Variants in NAV2 observed in about 807,000 individuals in gnomAD.
NAV2 encodes the protein helicase, APC down-regulated 1.
Under a neutral mutation model 223.2 loss-of-function variants are expected in NAV2, and 54 were observed. The ratio of observed to expected loss-of-function variants is 0.24; its 90% CI spans 0.19 to 0.30. The LOEUF (loss-of-function observed/expected upper bound fraction) is 0.30, where lower values mean the gene tolerates loss of function less well. Among genes scored for constraint, NAV2 ranks in the 10% least tolerant of loss-of-function variants. NAV2 has a pLI of 1.00. For synonymous variants in NAV2, 1,279 were observed against 1,239.3 expected (o/e 1.03, Z -0.67); for missense variants, 2,806 against 3,147.5 (o/e 0.89, Z 2.60).
chr11:20,045,823 T>C (rs994009498), intron 14 of NAV2, among the ~76,000 whole-genome samples, 153 bp downstream of exon 14: 1 of 152,262 alleles, frequency 6.6e-6, no homozygotes, highest in African/African-American at 2.4e-5. Flanking sequence ...GTTTTGCAGT[T>C]GACTATTTTC....
intron 11 of NAV2, among the ~76,000 whole-genome samples, chr11:20,012,747 T>A (rs2053673854): frequency 6.6e-6 from 1 of 150,982 alleles, no homozygotes. Context: ...CTTTTAATAC[T>A]CAAACCAGTG....
intron 1 of NAV2, among the ~76,000 whole-genome samples, chr11:19,740,327 G>A (rs77702734): frequency 6.6e-6 from 1 of 152,164 alleles, no homozygotes; most frequent in Non-Finnish European, 1.5e-5. Flanking sequence ...TAAGGGCAGT[G>A]CAAGATGTGC....
At chr11:19,715,227 C>G (rs2050202817) in intron 1 of NAV2, among the ~76,000 whole-genome samples, 1 of 152,192 alleles carries the variant, frequency 6.6e-6, no homozygotes, top group South Asian at 2.1e-4. Context: ...AAGCATGCCC[C>G]TTGCTGCTGC....
At chr11:19,463,285 T>C (rs1346431229) in intron 1 of NAV2, among the ~76,000 whole-genome samples, 3 of 152,260 alleles carry the variant, frequency 2.0e-5, no homozygotes, top group East Asian at 3.8e-4. Context: ...ACCTACTATG[T>C]TTCAGGCATT....
intron 1 of NAV2, among the ~76,000 whole-genome samples, chr11:19,397,842 G>A (rs1342257842): frequency 6.6e-6 from 1 of 152,086 alleles, no homozygotes; most frequent in African/African-American, 2.4e-5. Context: ...TATATGCTAA[G>A]CATAAGCCCA....
chr11:19,946,386 C>A lies in NAV2; in HGVS notation c.2147-15C>A, dbSNP rs772742364. On this transcript the variant is annotated splice_polypyrimidine_tract_variant and intron_variant, in intron 8 of 37. Transcript: ENST00000349880. Reference sequence around the variant, plus strand: ...GGTCAGAGAATTAAACTAGTCTTAACCCTCATCTTTCTAGGGGAAGATCCT... The same window carrying A: ...GGTCAGAGAATTAAACTAGTCTTAAACCTCATCTTTCTAGGGGAAGATCCT... 2 of 1,607,394 alleles carry A rather than the reference C, an allele frequency of 1.2e-6. No homozygotes were observed. Among genetic ancestry groups the A allele is most frequent in the Admixed American group, 3.4e-5 (2 of 59,010 alleles).
intron 1 of NAV2, among the ~76,000 whole-genome samples, chr11:19,550,811 A>G (rs2044665924): frequency 6.6e-6 from 1 of 152,156 alleles, no homozygotes; most frequent in Non-Finnish European, 1.5e-5. Context: ...TCCATAAAAC[A>G]CGCCCACCAG....
intron 1 of NAV2, among the ~76,000 whole-genome samples, chr11:19,446,536 G>A (rs1564942148): frequency 6.6e-6 from 1 of 152,168 alleles, no homozygotes. Context: ...TTTTGGACAT[G>A]TTGGGGAGTT....
chr11:19,469,856 C>T (rs2041907349), intron 1 of NAV2, among the ~76,000 whole-genome samples: 1 of 152,224 alleles, frequency 6.6e-6, no homozygotes, highest in East Asian at 1.9e-4. Context: ...AGCAAAGCCC[C>T]ACAAGAACCC....
chr11:20,084,727 T>A (rs184154484), intron 26 of NAV2, among the ~76,000 whole-genome samples: 81 of 152,304 alleles, frequency 5.3e-4, no homozygotes, highest in Non-Finnish European at 1.0e-3. Context: ...AAGAACCAGT[T>A]GCCTGTGACT....
intron 1 of NAV2, among the ~76,000 whole-genome samples, chr11:19,749,022 G>T (rs1244809381): frequency 6.6e-6 from 1 of 152,190 alleles, no homozygotes; most frequent in Non-Finnish European, 1.5e-5. Flanking sequence ...AGGTCTTCTT[G>T]TACCCTTTAA....
intron 19 of NAV2, among the ~76,000 whole-genome samples, chr11:20,061,255 A>G (rs2058680747): frequency 6.6e-6 from 1 of 152,216 alleles, no homozygotes; most frequent in Non-Finnish European, 1.5e-5. Context: ...AAAACACTAT[A>G]TTGCAAAATT....
chr11:20,044,477 C>G (rs78197370), intron 13 of NAV2, among the ~76,000 whole-genome samples: 1 of 152,152 alleles, frequency 6.6e-6, no homozygotes, highest in African/African-American at 2.4e-5. Context: ...GAAGATGGTT[C>G]GGCTGCTGAG....
intron 1 of NAV2, among the ~76,000 whole-genome samples, chr11:19,631,200 C>T (rs967667792): frequency 2.2e-4 from 34 of 151,946 alleles, no homozygotes; most frequent in Admixed American, 1.3e-3. Flanking sequence ...TGGTGCACTG[C>T]ACCCACTAAC....
intron 1 of NAV2, among the ~76,000 whole-genome samples, chr11:19,705,333 G>A (rs1183431088): frequency 2.0e-5 from 3 of 152,162 alleles, no homozygotes; most frequent in Non-Finnish European, 1.5e-5. Flanking sequence ...CAGACGTTTT[G>A]ATTTCCCTCT....
Position 19,509,252 on chromosome 11 carries a change from ATTG to A in NAV2, c.75+158228_75+158230del, listed in dbSNP as rs199882601. Among the ~76,000 whole-genome samples, 401 of 152,072 alleles carry A rather than the reference ATTG, an allele frequency of 2.6e-3. 1 individual carries two copies. The highest frequency in any genetic ancestry group is 9.1e-3 in the African/African-American group (377 of 41,500). On this transcript the variant is annotated intron_variant, in intron 1 of 37. Transcript: ENST00000360655. Reference sequence around the variant, plus strand: ...CTTTCCTTTGGAGGTTTCGTCCCCTATTGTTTATTAGTGTGTTTGTGTGTGTGG... The same window carrying A: ...CTTTCCTTTGGAGGTTTCGTCCCCTATTTATTAGTGTGTTTGTGTGTGTGG...
At chr11:19,723,490 T>G (rs1427021749) in intron 1 of NAV2, among the ~76,000 whole-genome samples, 1 of 152,242 alleles carries the variant, frequency 6.6e-6, no homozygotes, top group East Asian at 1.9e-4. Flanking sequence ...GAGTCCCATA[T>G]GAGCTACTGC....
At chr11:20,019,180 C>T (rs558481141) in intron 11 of NAV2, among the ~76,000 whole-genome samples, 21 of 152,058 alleles carry the variant, frequency 1.4e-4, no homozygotes, top group Non-Finnish European at 2.6e-4. Context: ...GAAGGCTGAG[C>T]GACCCGGGAG....
chr11:19,849,523 C>G (rs995506372), intron 3 of NAV2, among the ~76,000 whole-genome samples: 1 of 152,196 alleles, frequency 6.6e-6, no homozygotes, highest in African/African-American at 2.4e-5. Flanking sequence ...GCTACATTCT[C>G]TCCAGAGCCT....
Sources: allele counts gnomAD v4.1 joint callset (sites outside exome capture counted in the v4.1 genomes callset), GRCh38; gene constraint gnomAD v4.1.1; transcripts MANE v1.5; gene names NCBI Gene and HGNC (gene_info 2026-07-23, HGNC 2026-07-21).